The following PDE7B variants were observed in gnomAD, a reference collection of about 807,000 sequenced individuals.
PDE7B encodes 3',5'-cyclic-AMP phosphodiesterase 7B.
A neutral mutation model predicts 56.2 loss-of-function variants in PDE7B; 29 were observed. That is an observed-to-expected ratio of 0.52 (90% CI 0.38 to 0.70). PDE7B has a LOEUF of 0.70. Ranked by LOEUF, PDE7B falls within the 30% of genes least tolerant of loss-of-function variation. PDE7B has a pLI of 0.00. For synonymous variants in PDE7B, 197 were observed against 196.9 expected, an observed-to-expected ratio of 1.00 and a Z score of 0.00; for missense variants, 490 against 565.0, an observed-to-expected ratio of 0.87 and a Z score of 1.35.
intron 1 of PDE7B, among the ~76,000 whole-genome samples, chr6:135,897,927 C>G (rs1034567897): frequency 1.3e-5 from 2 of 152,132 alleles, no homozygotes; most frequent in African/African-American, 4.8e-5. Flanking sequence ...GAGCTTCTTG[C>G]GCTGCAAGAC....
chr6:136,144,418 G>T (rs1778380077), intron 3 of PDE7B, among the ~76,000 whole-genome samples: 1 of 152,078 alleles, frequency 6.6e-6, no homozygotes, highest in African/African-American at 2.4e-5. Flanking sequence ...AAGAATGAAG[G>T]CATTCTTTTG....
chr6:136,108,380 G>A (rs1418872297), intron 2 of PDE7B, among the ~76,000 whole-genome samples: 8 of 152,110 alleles, frequency 5.3e-5, no homozygotes, highest in South Asian at 2.1e-4. Flanking sequence ...TTTTAAGAAC[G>A]AAAGCTACAA....
intron 2 of PDE7B, among the ~76,000 whole-genome samples, chr6:135,990,963 C>A (rs1362037988): frequency 2.0e-5 from 3 of 152,188 alleles, no homozygotes; most frequent in Non-Finnish European, 4.4e-5. Context: ...GTGGATTATT[C>A]ATGAGTTTTC....
At chr6:135,984,144 A>C (rs949453769) in intron 2 of PDE7B, among the ~76,000 whole-genome samples, 3 of 152,240 alleles carry the variant, frequency 2.0e-5, no homozygotes, top group African/African-American at 7.2e-5. Context: ...AGAATACAAC[A>C]GTTGCAGGAA....
At chr6:136,045,481 G>A (rs1032211152) in intron 2 of PDE7B, among the ~76,000 whole-genome samples, 2 of 152,110 alleles carry the variant, frequency 1.3e-5, no homozygotes, top group Non-Finnish European at 2.9e-5. Context: ...AAACCAAGTC[G>A]CTGTCCTGAG....
chr6:136,191,839 A>AG lies in PDE7B; in HGVS notation c.*3dup. The change falls in exon 13 of 13, where the codon TAG becomes TAGG. Residue 451 remains the stop codon, a frameshift_variant and stop_retained_variant. Transcript: ENST00000308191. LOFTEE classifies it high-confidence loss of function. The part of the protein sequence containing the change: ...ESEEQEGDSP[*] ...GAGGAGCAGGAAGGCGACAGCCCCT[A>AG]GGGGCCGGCCCAACTTAGACGCGGC... The AG allele has an allele frequency of 6.5e-7, 1 of 1,549,064 alleles. No individual in the cohort carries two copies. The highest frequency in any genetic ancestry group is 8.7e-7 in the Non-Finnish European group (1 of 1,146,564).
intron 2 of PDE7B, among the ~76,000 whole-genome samples, chr6:136,088,390 C>A (rs1168640231): frequency 6.6e-6 from 1 of 152,148 alleles, no homozygotes; most frequent in South Asian, 2.1e-4. Context: ...CATAAATTTA[C>A]AAACACTCAT....
intron 2 of PDE7B, among the ~76,000 whole-genome samples, chr6:135,954,359 T>C (rs1478057944): frequency 6.6e-6 from 1 of 152,142 alleles, no homozygotes; most frequent in Non-Finnish European, 1.5e-5. Flanking sequence ...AGTGCATCTC[T>C]CGAGTGTGTC....
chr6:136,003,435 C>CA (rs1230763813), intron 2 of PDE7B, among the ~76,000 whole-genome samples: 2 of 152,030 alleles, frequency 1.3e-5, no homozygotes, highest in Non-Finnish European at 2.9e-5. Context: ...AAAGGATCAA[C>CA]AAAATCAGTA....
chr6:135,895,334 C>G (rs894171802), intron 1 of PDE7B, among the ~76,000 whole-genome samples: 4 of 152,028 alleles, frequency 2.6e-5, no homozygotes, highest in African/African-American at 4.8e-5. Flanking sequence ...AAAATAAACC[C>G]CTGTTTATTT....
intron 3 of PDE7B, among the ~76,000 whole-genome samples, chr6:136,141,557 G>A (rs574328959): frequency 5.3e-5 from 8 of 152,152 alleles, no homozygotes; most frequent in African/African-American, 9.7e-5. Context: ...GCTCCTCCTT[G>A]TACCTGTGGT....
At chr6:135,880,292 G>T (rs903703137) in intron 1 of PDE7B, among the ~76,000 whole-genome samples, 1 of 152,126 alleles carries the variant, frequency 6.6e-6, no homozygotes, top group Non-Finnish European at 1.5e-5. Context: ...TCTCCGCTTG[G>T]GGCCATGTAC....
Position 136,005,840 on chromosome 6 carries a change from C to A in PDE7B, c.82+58316C>A, listed in dbSNP as rs1009338788. On this transcript the variant is annotated intron_variant, in intron 2 of 12. Transcript: ENST00000308191. Reference sequence around the variant, plus strand: ...GAACTAGAAATACCATTTGACACAGCCATCCCATTACTGAGTATATACCCA... The same window carrying A: ...GAACTAGAAATACCATTTGACACAGACATCCCATTACTGAGTATATACCCA... Among the ~76,000 whole-genome samples the A allele has an allele frequency of 9.2e-5, 14 of 152,232 alleles. 1 individual carries two copies. Among genetic ancestry groups the A allele is most frequent in the Admixed American group, 5.2e-4 (8 of 15,284 alleles).
At chr6:136,165,338 G>C (rs776999357) in intron 8 of PDE7B, among the ~76,000 whole-genome samples, 21 of 151,984 alleles carry the variant, frequency 1.4e-4, no homozygotes, top group Non-Finnish European at 1.5e-5. Context: ...CTCTTTTTTG[G>C]AGTTATGTAA....
intron 2 of PDE7B, among the ~76,000 whole-genome samples, chr6:135,962,065 A>G (rs1190689825): frequency 6.6e-6 from 1 of 152,208 alleles, no homozygotes; most frequent in African/African-American, 2.4e-5. Flanking sequence ...GAGGTTGACA[A>G]TGGGAAAGTT....
intron 9 of PDE7B, among the ~76,000 whole-genome samples, chr6:136,178,089 C>T (rs1404271594): frequency 6.6e-6 from 1 of 152,130 alleles, no homozygotes; most frequent in Non-Finnish European, 1.5e-5. Context: ...TATAGATGCA[C>T]TCACAGGTGG....
chr6:135,987,677 C>T (rs1775406277), intron 2 of PDE7B, among the ~76,000 whole-genome samples: 2 of 152,132 alleles, frequency 1.3e-5, no homozygotes, highest in South Asian at 2.1e-4. Context: ...AGTACTCCCA[C>T]TTCTTTCTTC....
At chr6:136,073,121 G>T (rs934664814) in intron 2 of PDE7B, among the ~76,000 whole-genome samples, 2 of 152,088 alleles carry the variant, frequency 1.3e-5, no homozygotes, top group Non-Finnish European at 2.9e-5. Context: ...GGTGGCGTCG[G>T]CAGGGATGGC....
chr6:136,076,318 C>T (rs1156277096), intron 2 of PDE7B, among the ~76,000 whole-genome samples: 2 of 152,050 alleles, frequency 1.3e-5, no homozygotes. Flanking sequence ...ACTAAAAATA[C>T]AAAAATTAGC....
Sources: gnomAD v4.1 joint callset for allele counts (sites outside exome capture counted in the v4.1 genomes callset) on GRCh38, gnomAD v4.1.1 for gene constraint, MANE v1.5 for transcripts, NCBI Gene and HGNC (gene_info 2026-07-23, HGNC 2026-07-21) for gene names.